TPPP: variants seen among roughly 807,000 people sequenced by gnomAD.
TPPP encodes tubulin polymerization promoting protein.
In TPPP, 6 loss-of-function variants were observed where a neutral mutation model predicts 15.5. The ratio of observed to expected loss-of-function variants is 0.39; its 90% CI spans 0.21 to 0.77. The LOEUF (loss-of-function observed/expected upper bound fraction) is 0.77. TPPP is among the 30% of genes least tolerant of loss of function. The probability of loss-of-function intolerance (pLI) is 0.42; values close to 1 mark genes in which losing one functional copy is unlikely to be tolerated. For missense variants in TPPP, 269 were observed against 307.2 expected (o/e 0.88, Z 0.93); for synonymous variants, 146 against 133.9 (o/e 1.09, Z -0.63).
In TPPP at chr5:673,885, G is replaced by A. The variant is rs147189521; in HGVS notation, c.311+3865C>T. On this transcript the variant is annotated intron_variant, in intron 2 of 3. Coordinates refer to ENST00000360578, the MANE Select transcript of TPPP (RefSeq NM_007030.3). ...GCAGGGCTCCCATCATTCTCCAAATGAGCCACAGCCACCCAGCCCCACCCA... is the reference window on the plus strand; with the variant it reads ...GCAGGGCTCCCATCATTCTCCAAATAAGCCACAGCCACCCAGCCCCACCCA... 3.3e-5 allele frequency among the ~76,000 whole-genome samples: 5 copies of A among 152,366 alleles called. No homozygotes were observed. In the East Asian group the frequency reaches 7.7e-4, roughly 23 times the overall value.
intron 2 of TPPP, among the ~76,000 whole-genome samples, chr5:674,501 G>A (rs73730907): frequency 1.3e-5 from 2 of 152,076 alleles, no homozygotes; most frequent in South Asian, 2.1e-4. Context: ...CCGAGTGCCC[G>A]GGACACGTCC....
rs1407352695 is a variant in TPPP, at chr5:666,133, C to CA, written c.312-11dup. ...CCGGCAAGACTTCCCTCTACAGGGG[C>CA]ACAGGCGACTTAGGGCTGGGCGCGG... On this transcript the variant is annotated splice_polypyrimidine_tract_variant and intron_variant, in intron 2 of 3. Coordinates refer to ENST00000360578, the MANE Select transcript of TPPP (RefSeq NM_007030.3). 5 of 1,610,036 alleles carry CA rather than the reference C, an allele frequency of 3.1e-6. No individual in the cohort carries two copies. In the East Asian group the frequency reaches 1.1e-4, roughly 36 times the overall value.
chr5:673,240 G>T (rs763813028), intron 2 of TPPP, among the ~76,000 whole-genome samples: 11 of 152,170 alleles, frequency 7.2e-5, no homozygotes, highest in Non-Finnish European at 1.5e-4. Flanking sequence ...AACGCCTCGT[G>T]GTGGCCCTGC....
At chr5:672,795 C>T (rs1016448481) in intron 2 of TPPP, among the ~76,000 whole-genome samples, 13 of 152,266 alleles carry the variant, frequency 8.5e-5, no homozygotes, top group South Asian at 2.1e-4. Context: ...TGCCACCGCA[C>T]GCTCTTTGCA....
upstream of TPPP, among the ~76,000 whole-genome samples, chr5:696,315 C>T (rs1741010490): frequency 8.4e-6 from 1 of 118,738 alleles, no homozygotes; most frequent in Non-Finnish European, 1.8e-5. Flanking sequence ...GAGCAATGGA[C>T]TCACGCGGAC....
chr5:665,057 C>T lies in TPPP; in HGVS notation c.*45G>A. Reference sequence around the variant, plus strand: ...TAATGAAGTGCGAGGTGACAGAGTCCCTGCTCTGGGGACACCGGCAGTGCC... The same window carrying T: ...TAATGAAGTGCGAGGTGACAGAGTCTCTGCTCTGGGGACACCGGCAGTGCC... On this transcript the variant is annotated 3_prime_UTR_variant, in exon 4 of 4. Transcript: ENST00000360578. The T allele has an allele frequency of 6.3e-7, 1 of 1,580,028 alleles. No homozygotes were observed. Among genetic ancestry groups the T allele is most frequent in the Admixed American group, 1.7e-5 (1 of 58,824 alleles).
At chr5:682,005 G>A (rs894639881) in intron 1 of TPPP, among the ~76,000 whole-genome samples, 10 of 151,818 alleles carry the variant, frequency 6.6e-5, no homozygotes, top group Non-Finnish European at 1.3e-4. Flanking sequence ...GGCTGTCCCT[G>A]TTCCCAAGAG....
intron 2 of TPPP, among the ~76,000 whole-genome samples, chr5:671,391 T>G (rs1438053560): frequency 1.3e-5 from 2 of 151,952 alleles, no homozygotes; most frequent in Non-Finnish European, 2.9e-5. Context: ...CCCCAGGGGC[T>G]CGGCTGCCTC....
chr5:675,101 A>G (rs1388029013), intron 2 of TPPP, among the ~76,000 whole-genome samples: 2 of 4,974 alleles, frequency 4.0e-4, no homozygotes, highest in Admixed American at 2.0e-3. Flanking sequence ...CAGTGTGGTC[A>G]GGGGTGCAGC....
In TPPP at chr5:693,331, A is replaced by C. The variant is rs181003402; in HGVS notation, c.-58T>G. 0.12 allele frequency: 17,654 copies of C among 148,364 alleles called. 1,359 individuals are homozygous for C. The highest frequency in any genetic ancestry group is 0.18 in the South Asian group (977 of 5,536). The allele number at this position is 148,364 out of a possible 1,614,324, so 9.2% of individuals were successfully genotyped here. A position where few individuals can be genotyped will look rare whatever the true frequency, so the allele number is the denominator to read the frequency against. On this transcript the variant is annotated 5_prime_UTR_variant, in exon 1 of 4. Transcript: ENST00000360578. Reference sequence around the variant, plus strand: ...CGCCTCCGCGACTCGGCCGCGCGCGACCCGGTGCTCAGCGGAGCTCTCCAG... The same window carrying C: ...CGCCTCCGCGACTCGGCCGCGCGCGCCCCGGTGCTCAGCGGAGCTCTCCAG...
At chr5:674,189 G>A (rs1481171283) in intron 2 of TPPP, among the ~76,000 whole-genome samples, 1 of 152,224 alleles carries the variant, frequency 6.6e-6, no homozygotes, top group Non-Finnish European at 1.5e-5. Flanking sequence ...GTCTGCTCCT[G>A]TGTATCCTGG....
intron 2 of TPPP, among the ~76,000 whole-genome samples, chr5:668,491 A>G (rs113217318): frequency 1.3e-5 from 2 of 152,204 alleles, no homozygotes; most frequent in South Asian, 2.1e-4. Context: ...CCGTCAGGGA[A>G]GTGCAGATGG....
intron 2 of TPPP, chr5:675,905 A>T (rs927787612): frequency 6.6e-6 from 1 of 152,198 alleles, no homozygotes; most frequent in Non-Finnish European, 1.5e-5. Context: ...CCATGAGGAC[A>T]CTGAGGCTGG....
In TPPP at chr5:676,917, C is replaced by T. The variant is rs1209058248; in HGVS notation, c.311+833G>A. Among the ~76,000 whole-genome samples, 7 of 149,526 alleles carry T rather than the reference C, an allele frequency of 4.7e-5. No individual in the cohort carries two copies. In the South Asian group the frequency reaches 6.4e-4, roughly 14 times the overall value. ...GAAACGCGCACGCGCGCATACACGA[C>T]GCAGAAACGCACGCGCGCACACGAC... On this transcript the variant is annotated intron_variant, in intron 2 of 3. Transcript: ENST00000360578.
chr5:685,843 T>G (rs920026608), intron 1 of TPPP, among the ~76,000 whole-genome samples: 1 of 152,076 alleles, frequency 6.6e-6, no homozygotes, highest in South Asian at 2.1e-4. Flanking sequence ...ACACGGCAGA[T>G]CCCCTCTGAG....
chr5:692,542 G>A (rs1740917731), intron 1 of TPPP: 1 of 977,924 alleles, frequency 1.0e-6, no homozygotes, highest in South Asian at 4.8e-5. Context: ...CCACTGCCCG[G>A]GAGGGACAGG....
intron 2 of TPPP, among the ~76,000 whole-genome samples, chr5:671,320 G>C (rs1463287158): frequency 2.0e-5 from 3 of 152,168 alleles, no homozygotes; most frequent in African/African-American, 7.2e-5. Flanking sequence ...TTGGTGGGAC[G>C]TGGACTTGGG....
chr5:698,505 C>T, the TPPP span, among the ~76,000 whole-genome samples: 34 of 152,082 alleles, frequency 2.2e-4, no homozygotes, highest in East Asian at 3.1e-3. Context: ...CAGTTCCACA[C>T]GGCTGGGGAG....
intron 2 of TPPP, among the ~76,000 whole-genome samples, chr5:674,975 C>T (rs1740353066): frequency 7.0e-6 from 1 of 143,376 alleles, no homozygotes; most frequent in Non-Finnish European, 1.5e-5. Flanking sequence ...AGTCAGTCCA[C>T]AAAGGATCTG....
Sources: allele counts gnomAD v4.1 joint callset (sites outside exome capture counted in the v4.1 genomes callset), GRCh38; gene constraint gnomAD v4.1.1; transcripts MANE v1.5; gene names NCBI Gene and HGNC (gene_info 2026-07-23, HGNC 2026-07-21).